Variants in EP400 observed in about 807,000 individuals in gnomAD.
The protein encoded by EP400 is E1A-binding protein p400.
Under a neutral mutation model 354.1 loss-of-function variants are expected in EP400, and 105 were observed. The observed-to-expected ratio is 0.30, with a 90% CI of 0.25 to 0.35. The LOEUF is 0.35. Among genes scored for constraint, EP400 ranks in the 10% least tolerant of loss-of-function variants. EP400 has a pLI of 1.00. For synonymous variants in EP400, 1,646 were observed against 1,716.9 expected (o/e 0.96, Z 1.02); for missense variants, 3,280 against 4,121.0 (o/e 0.80, Z 5.59).
chr12:132,011,328 T>G (rs1225436491), intron 15 of EP400, among the ~76,000 whole-genome samples, 170 bp from the exon 16 acceptor site: 1 of 152,230 alleles, frequency 6.6e-6, no homozygotes, highest in African/African-American at 2.4e-5. Context: ...TTCTGGGCAG[T>G]GTGCTGGCTC....
intron 35 of EP400, 151 bp downstream of exon 35, chr12:132,044,462 C>G: frequency 1.5e-6 from 2 of 1,298,088 alleles, no homozygotes; most frequent in Non-Finnish European, 2.1e-6. Context: ...CACTTATGTT[C>G]TAAAAACACA....
intron 23 of EP400, among the ~76,000 whole-genome samples, chr12:132,021,628 C>T (rs886638178): frequency 2.0e-5 from 3 of 152,236 alleles, no homozygotes; most frequent in Non-Finnish European, 2.9e-5. Context: ...GTGTTAGCCC[C>T]GGCCTTGTTC....
At chr12:132,077,259 T>G (rs1372407242) in intron 52 of EP400, 142 bp from the exon 53 acceptor site, 2 of 1,066,026 alleles carry the variant, frequency 1.9e-6, no homozygotes, top group African/African-American at 3.2e-5. Flanking sequence ...GTCATACTGT[T>G]GTGTGACTGG....
rs539175766 is a variant in EP400 at position 131,994,531 on chromosome 12, A to G, written c.2738-336A>G. On this transcript the variant is annotated intron_variant, in intron 11 of 52. Transcript: ENST00000389561. The surrounding 1 kb of genome is among the most constrained non-coding windows in gnomAD (Gnocchi z 4.6). The stretch of plus-strand genomic sequence containing the variant: ...GCTGGGCCTCGTGAGATGGGCGATG[A>G]TGACTTCACGGTGATCCCAGATGGC... 6.6e-5 allele frequency among the ~76,000 whole-genome samples: 10 copies of G among 152,150 alleles called. No individual in the cohort carries two copies. The highest frequency in any genetic ancestry group is 8.8e-5 in the Non-Finnish European group (6 of 68,000).
Position 132,052,227 on chromosome 12 carries a change from C to T in EP400, c.7395-919C>T, listed in dbSNP as rs562248737. Among the ~76,000 whole-genome samples, 1 of 152,224 alleles carries T rather than the reference C, an allele frequency of 6.6e-6. No individual in the cohort carries two copies. Among genetic ancestry groups the T allele is most frequent in the Non-Finnish European group, 1.5e-5 (1 of 68,042 alleles). On this transcript the variant is annotated intron_variant, in intron 41 of 52. Transcript: ENST00000389561. The surrounding 1 kb of genome is among the most constrained non-coding windows in gnomAD (Gnocchi z 4.4). ...AGCTCGTGTCCTTGGTCTCTTGCCT[C>T]GGCACCTGAGTGGCTTGCCGCCCAC...
At position 131,986,594 on chromosome 12, in the gene EP400, C is replaced by T. The variant is rs755452950; in HGVS notation, c.2010C>T (p.Leu670=). 5.6e-6 allele frequency: 9 copies of T among 1,613,930 alleles called. No homozygotes were observed. The highest frequency in any genetic ancestry group is 1.1e-5 in the South Asian group (1 of 91,084). ...TGCCCACCTCTTCTACCTCGTCCCT[C>T]GCGCCTGTGAGTGGCTCCGGCCCAG... is the stretch of plus-strand genomic sequence containing the variant. ...RPLPTSSTSS[L]APVSGSGPGP... The change falls in exon 6 of 53, where the codon CTC becomes CTT. Residue 670 remains leucine (L), a synonymous_variant. Transcript: ENST00000389561.
At chr12:132,009,621 C>T (rs972970130) in intron 15 of EP400, among the ~76,000 whole-genome samples, 43 of 152,124 alleles carry the variant, frequency 2.8e-4, no homozygotes, top group African/African-American at 1.0e-3. Flanking sequence ...ACGATAGAGG[C>T]CTATCAGGCC....
chr12:132,014,595 A>G (rs1193425468), intron 19 of EP400, among the ~76,000 whole-genome samples: 2 of 152,124 alleles, frequency 1.3e-5, no homozygotes, highest in African/African-American at 2.4e-5. Flanking sequence ...AGGATTTGAA[A>G]TTTATCTGTG....
rs756796606 is a variant in EP400, at chr12:132,044,825, A to G, written c.6656A>G (p.Gln2219Arg). The change falls in exon 37 of 53, where the codon CAG becomes CGG. Residue 2219 changes from glutamine to arginine, a missense_variant. Gln to Arg is a conservative substitution (Grantham distance 43). This residue lies in a region of EP400 where 231 missense variants were observed against 257.9 expected (regional missense o/e 0.90). Transcript: ENST00000389561. ...MPLWTPPTPP[Q>R]DDSDIYLDSV... ...CTCTGGACCCCACCCACCCCGCCGC[A>G]GGACGACAGCGACATCTACCTCGAC... 8 of 1,614,096 alleles carry G rather than the reference A, an allele frequency of 5.0e-6. No homozygotes were observed. The South Asian group carries it at 7.7e-5, about 16-fold the overall frequency.
At chr12:132,044,617 T>C (rs543960428) in intron 35 of EP400, 54 bp from the exon 36 acceptor site, 1 of 1,608,374 alleles carries the variant, frequency 6.2e-7, no homozygotes, top group East Asian at 2.2e-5. Flanking sequence ...ATTTGTGGCT[T>C]ATAACATGAC....
At chr12:132,062,731 G>T in intron 47 of EP400, 30 bp downstream of exon 47, 3 of 1,609,194 alleles carry the variant, frequency 1.9e-6, no homozygotes, top group Non-Finnish European at 2.6e-6. Context: ...CCATGAACGT[G>T]TGCGTCTTGC....
At chr12:132,011,375 A>G in intron 15 of EP400, 123 bp from the exon 16 acceptor site, 1 of 1,216,920 alleles carries the variant, frequency 8.2e-7, no homozygotes, top group Non-Finnish European at 1.2e-6. Context: ...AGTCTGCCTC[A>G]GTCGTGCGAT....
chr12:132,032,193 C>G (rs1419518454), intron 30 of EP400, 44 bp downstream of exon 30: 7 of 1,578,662 alleles, frequency 4.4e-6, no homozygotes, highest in South Asian at 2.3e-5. Context: ...CAAAGACATC[C>G]ACATATACAG....
At chr12:132,009,431 C>G (rs1893690473) in intron 15 of EP400, among the ~76,000 whole-genome samples, 1 of 152,128 alleles carries the variant, frequency 6.6e-6, no homozygotes, top group African/African-American at 2.4e-5. Flanking sequence ...GGCTAATGAC[C>G]CAGCATAGTG....
intron 3 of EP400, 56 bp from the exon 4 acceptor site, chr12:131,981,433 T>A: frequency 7.2e-7 from 1 of 1,390,194 alleles, no homozygotes; most frequent in Non-Finnish European, 9.9e-7. Flanking sequence ...TTTTTTCTAC[T>A]ACTTCTCTGG....
At chr12:131,989,256 C>T (rs1160592330) in intron 7 of EP400, among the ~76,000 whole-genome samples, 1 of 152,254 alleles carries the variant, frequency 6.6e-6, no homozygotes, top group East Asian at 1.9e-4. Context: ...GCCTGCCCTT[C>T]CCCGTGCCTC....
intron 14 of EP400, 132 bp from the exon 15 acceptor site, chr12:132,006,568 T>C: frequency 1.9e-6 from 2 of 1,025,698 alleles, no homozygotes; most frequent in Non-Finnish European, 2.8e-6. Context: ...ATTCTTCCTC[T>C]TCCTGTTTTC....
intron 41 of EP400, 45 bp from the exon 42 acceptor site, chr12:132,053,101 T>C: frequency 1.2e-6 from 2 of 1,606,676 alleles, no homozygotes. Context: ...CTTGTCTGTC[T>C]TAAAACTTGC....
In EP400 at chr12:132,044,221, G is replaced by A. The variant is rs1895008497; in HGVS notation, c.6495G>A (p.Leu2165=). 1 of 1,614,250 alleles carries A rather than the reference G, an allele frequency of 6.2e-7. No homozygotes were observed. The stretch of plus-strand genomic sequence containing the variant: ...TGAGGGCATGGGAGTTCTGGAACCT[G>A]AAGACCCTGCAGGAGAGGGAGGCCC... ...TAVRAWEFWN[L]KTLQEREARL... The change falls in exon 35 of 53, where the codon CTG becomes CTA. Residue 2165 remains leucine, a synonymous_variant. Coordinates refer to ENST00000389561, the MANE Select transcript of EP400 (RefSeq NM_015409.5).
Sources: gnomAD v4.1 joint callset for allele counts (sites outside exome capture counted in the v4.1 genomes callset) on GRCh38, gnomAD v4.1.1 for gene constraint, gnomAD v4.1.1 regional missense constraint, Gnocchi (gnomAD v3.1) non-coding constraint, MANE v1.5 for transcripts, NCBI Gene and HGNC (gene_info 2026-07-23, HGNC 2026-07-21) for gene names.